ERAP1: variants seen among roughly 807,000 people sequenced by gnomAD.
ERAP1 encodes the protein endoplasmic reticulum aminopeptidase 1.
A neutral mutation model predicts 103.7 loss-of-function variants in ERAP1; 86 were observed. That is an observed-to-expected ratio of 0.83 (90% CI 0.70 to 0.99). ERAP1 has a LOEUF of 0.99. ERAP1 is among the 50% of genes least tolerant of loss of function. The pLI is 0.00. For missense variants in ERAP1, 1,009 were observed against 1,128.4 expected, an observed-to-expected ratio of 0.89 and a Z score of 1.52; for synonymous variants, 398 against 402.4, an observed-to-expected ratio of 0.99 and a Z score of 0.13.
the ERAP1 span, among the ~76,000 whole-genome samples, chr5:96,821,229 CAA>C: frequency 6.6e-6 from 1 of 152,220 alleles, no homozygotes; most frequent in Non-Finnish European, 1.5e-5. Flanking sequence ...CAGATCTACA[CAA>C]AGTCTCCTGA....
chr5:96,912,794 C>T, the ERAP1 span: 2 of 1,594,324 alleles, frequency 1.3e-6, no homozygotes, highest in Admixed American at 3.7e-5. Flanking sequence ...GGAAAAGTTA[C>T]TGAAGTAAGT....
the ERAP1 span, among the ~76,000 whole-genome samples, chr5:96,917,135 C>T: frequency 1.3e-5 from 2 of 152,122 alleles, no homozygotes; most frequent in African/African-American, 4.8e-5. Context: ...TTGAAACTGC[C>T]TCGCTCTGTC....
intron 11 of ERAP1, among the ~76,000 whole-genome samples, chr5:96,787,866 A>C (rs899752480): frequency 1.4e-5 from 2 of 143,600 alleles, no homozygotes; most frequent in Non-Finnish European, 3.2e-5. Context: ...AAACATATAC[A>C]TATATATATA....
downstream of ERAP1, chr5:96,771,660 C>G (rs750006076): frequency 5.0e-6 from 8 of 1,611,832 alleles, no homozygotes; most frequent in South Asian, 1.1e-5. Flanking sequence ...GAGGAAACTT[C>G]CAAGCCAAAA....
At chr5:96,765,276 A>G in intron 19 of ERAP1, 1 of 1,606,714 alleles carries the variant, frequency 6.2e-7, no homozygotes, top group Non-Finnish European at 8.5e-7. Flanking sequence ...AGTCTAGGAC[A>G]AAGGCAGCCT....
At chr5:96,901,731 G>A in the ERAP1 span, 28 of 1,569,020 alleles carry the variant, frequency 1.8e-5, no homozygotes, top group East Asian at 4.6e-5. Flanking sequence ...CAGTTTCCTC[G>A]TTATTTCCTT....
At chr5:96,799,798 G>A (rs1777774134) in intron 3 of ERAP1, among the ~76,000 whole-genome samples, 1 of 152,216 alleles carries the variant, frequency 6.6e-6, no homozygotes, top group African/African-American at 2.4e-5. Context: ...ATATACAAGG[G>A]TGGGAGTGGG....
the ERAP1 span, chr5:96,917,930 AAAAAGAAAAAG>A: frequency 6.3e-6 from 1 of 158,176 alleles, no homozygotes; most frequent in African/African-American, 2.5e-5. Flanking sequence ...AAAAAAAAAG[AAAAAGAAAAAG>A]AAAAGAAAAG....
intron 3 of ERAP1, among the ~76,000 whole-genome samples, chr5:96,800,641 G>A (rs1777877996): frequency 6.6e-6 from 1 of 152,118 alleles, no homozygotes; most frequent in African/African-American, 2.4e-5. Context: ...ACCTGGAATG[G>A]CACTGTTACT....
chr5:96,874,120 A>AAGAAAGAGAGAG, the ERAP1 span, among the ~76,000 whole-genome samples: 1 of 134,762 alleles, frequency 7.4e-6, no homozygotes, highest in Non-Finnish European at 1.6e-5. Context: ...GAAGGAAGGA[A>AAGAAAGAGAGAG]AGAAAGAAAG....
chr5:96,921,852 A>T, the ERAP1 span, among the ~76,000 whole-genome samples: 2 of 152,276 alleles, frequency 1.3e-5, no homozygotes, highest in Non-Finnish European at 1.5e-5. Context: ...CCATAGTAAT[A>T]GCACCTGGTA....
At chr5:96,921,066 T>G in the ERAP1 span, among the ~76,000 whole-genome samples, 1 of 152,238 alleles carries the variant, frequency 6.6e-6, no homozygotes, top group Non-Finnish European at 1.5e-5. Flanking sequence ...AGATGAGTCT[T>G]TTGCAAAGAG....
chr5:96,800,513 T>G (rs1303890121), intron 3 of ERAP1, among the ~76,000 whole-genome samples: 1 of 152,232 alleles, frequency 6.6e-6, no homozygotes, highest in Non-Finnish European at 1.5e-5. Context: ...AGCATTACCT[T>G]TAAAATCATT....
At chr5:96,799,229 T>G (rs557242125) in intron 3 of ERAP1, among the ~76,000 whole-genome samples, 1 of 152,238 alleles carries the variant, frequency 6.6e-6, no homozygotes, top group East Asian at 1.9e-4. Flanking sequence ...TTAATTCAAA[T>G]TTAAATGTGA....
the ERAP1 span, among the ~76,000 whole-genome samples, chr5:96,813,390 C>T: frequency 6.6e-6 from 1 of 152,080 alleles, no homozygotes; most frequent in African/African-American, 2.4e-5. Context: ...CGCGGTGGCT[C>T]ACGCCTGCAA....
At chr5:96,892,401 C>G in the ERAP1 span, 1 of 1,614,064 alleles carries the variant, frequency 6.2e-7, no homozygotes, top group South Asian at 1.1e-5. Context: ...ACCTCTTCTG[C>G]TTCCGATAAA....
At position 96,765,437 on chromosome 5, in the gene ERAP1, A is replaced by C. The variant is rs934622383; in HGVS notation, c.2819-2209T>G. Reference sequence around the variant, plus strand: ...TTGATGTGAACTTAACCTATATTTTAAACATGAAATTATAATGAAATAGAA... The same window carrying C: ...TTGATGTGAACTTAACCTATATTTTCAACATGAAATTATAATGAAATAGAA... On this transcript the variant is annotated intron_variant, in intron 19 of 19. Coordinates refer to the ERAP1 transcript ENST00000296754. 4.9e-6 allele frequency: 3 copies of C among 610,770 alleles called. No individual in the cohort carries two copies. In the African/African-American group the frequency reaches 5.7e-5, roughly 12 times the overall value. 37.8% of individuals were successfully genotyped at this position (610,770 alleles called of 1,614,324 possible).
At chr5:96,826,668 C>CG in the ERAP1 span, among the ~76,000 whole-genome samples, 2 of 152,156 alleles carry the variant, frequency 1.3e-5, no homozygotes, top group African/African-American at 2.4e-5. Flanking sequence ...AGCCAGCACA[C>CG]GACTTCCTAA....
At chr5:96,763,748 G>A (rs1325232577) in intron 19 of ERAP1, among the ~76,000 whole-genome samples, 1 of 152,160 alleles carries the variant, frequency 6.6e-6, no homozygotes, top group African/African-American at 2.4e-5. Flanking sequence ...GTTACTAACA[G>A]TGTTACATAC....
Sources: gnomAD v4.1 joint callset for allele counts (sites outside exome capture counted in the v4.1 genomes callset) on GRCh38, gnomAD v4.1.1 for gene constraint, MANE v1.5 for transcripts, NCBI Gene and HGNC (gene_info 2026-07-23, HGNC 2026-07-21) for gene names.